FHIT: variants seen among roughly 807,000 people sequenced by gnomAD.
FHIT encodes bis(5'-adenosyl)-triphosphatase.
In FHIT, 19 loss-of-function variants were observed where a neutral mutation model predicts 17.9. That is an observed-to-expected ratio of 1.06 (90% confidence interval 0.74 to 1.56). The LOEUF is 1.56. Ranked by LOEUF, FHIT falls within the 40% of genes most tolerant of loss-of-function variation. The pLI is 0.00. For synonymous variants in FHIT, 81 were observed against 69.7 expected, an observed-to-expected ratio of 1.16 and a Z score of -0.81; for missense variants, 248 against 189.2, an observed-to-expected ratio of 1.31 and a Z score of -1.82.
At chr3:61,033,856 A>G (rs372928143) in intron 3 of FHIT, among the ~76,000 whole-genome samples, 3 of 152,318 alleles carry the variant, frequency 2.0e-5, no homozygotes, top group African/African-American at 7.2e-5. Flanking sequence ...AATTTCACAC[A>G]AAGATGGGTC....
intron 5 of FHIT, among the ~76,000 whole-genome samples, chr3:60,415,658 T>C (rs1380694790): frequency 6.6e-6 from 1 of 151,040 alleles, no homozygotes; most frequent in African/African-American, 2.4e-5. Flanking sequence ...ACACTGGACA[T>C]ATCTATCCAA....
intron 4 of FHIT, among the ~76,000 whole-genome samples, chr3:60,596,733 G>A (rs1050988721): frequency 6.6e-6 from 1 of 152,078 alleles, no homozygotes. Flanking sequence ...ACACATCTCA[G>A]GTAGAGACTC....
At chr3:60,177,265 T>G (rs1701720678) in intron 5 of FHIT, among the ~76,000 whole-genome samples, 1 of 145,674 alleles carries the variant, frequency 6.9e-6, no homozygotes, top group Admixed American at 6.7e-5. Context: ...TAAGCCAAGG[T>G]TAAAAAAAAA....
intron 1 of FHIT, among the ~76,000 whole-genome samples, chr3:61,250,223 C>T (rs909488160): frequency 6.6e-6 from 1 of 152,220 alleles, no homozygotes; most frequent in Non-Finnish European, 1.5e-5. Context: ...GGGACTGCAA[C>T]TCCCAGAAGC....
chr3:60,074,382 C>A (rs1221999682), intron 5 of FHIT, among the ~76,000 whole-genome samples: 2 of 152,068 alleles, frequency 1.3e-5, no homozygotes, highest in African/African-American at 4.8e-5. Context: ...CTCTCCCATG[C>A]CACTTCTCTA....
chr3:60,079,010 G>C (rs982639990), intron 5 of FHIT, among the ~76,000 whole-genome samples: 1 of 152,076 alleles, frequency 6.6e-6, no homozygotes, highest in African/African-American at 2.4e-5. Context: ...TCTTGAACAA[G>C]TGACTTGTCT....
chr3:59,892,058 T>G lies in FHIT; in HGVS notation c.348+30288A>C, dbSNP rs1703876384. ...TGTAAAATAATAGTCCATCTATAAC[T>G]CAATTTAGCCAAGTCCATACCTTCT... On this transcript the variant is annotated intron_variant, in intron 8 of 9. Coordinates refer to ENST00000492590, the MANE Select transcript of FHIT (RefSeq NM_002012.4). Among the ~76,000 whole-genome samples the G allele has an allele frequency of 2.0e-5, 3 of 152,348 alleles. No individual in the cohort carries two copies. In the South Asian group the frequency reaches 6.2e-4, roughly 32 times the overall value.
intron 3 of FHIT, among the ~76,000 whole-genome samples, chr3:60,950,842 T>A (rs540018640): frequency 6.6e-6 from 1 of 152,166 alleles, no homozygotes; most frequent in Non-Finnish European, 1.5e-5. Context: ...CTTTTCTTCT[T>A]GTCTGATTAA....
intron 3 of FHIT, among the ~76,000 whole-genome samples, chr3:60,896,132 A>C (rs1301174399): frequency 6.6e-6 from 1 of 152,128 alleles, no homozygotes; most frequent in Non-Finnish European, 1.5e-5. Context: ...CTAATGCCTG[A>C]TGATTTTAGA....
intron 8 of FHIT, among the ~76,000 whole-genome samples, chr3:59,798,986 G>C (rs1376129104): frequency 6.6e-6 from 1 of 152,216 alleles, no homozygotes; most frequent in Non-Finnish European, 1.5e-5. Flanking sequence ...CTCTCAGAAA[G>C]CCTTGTGCAT....
At chr3:59,808,620 A>G (rs1700294954) in intron 8 of FHIT, among the ~76,000 whole-genome samples, 1 of 152,190 alleles carries the variant, frequency 6.6e-6, no homozygotes, top group African/African-American at 2.4e-5. Flanking sequence ...TCACTCAAGC[A>G]TGTTTGACCT....
intron 8 of FHIT, among the ~76,000 whole-genome samples, chr3:59,905,530 G>A (rs1260963559): frequency 1.3e-5 from 2 of 152,192 alleles, no homozygotes; most frequent in South Asian, 4.1e-4. Context: ...GTGTGTGCAG[G>A]AGGGATGAGG....
chr3:61,100,994 C>T lies in FHIT; in HGVS notation c.-163-58895G>A, dbSNP rs147171255. Among the ~76,000 whole-genome samples, 1,184 of 152,194 alleles carry T rather than the reference C, an allele frequency of 7.8e-3. 16 individuals are homozygous for T. Among genetic ancestry groups the T allele is most frequent in the African/African-American group, 0.027 (1,133 of 41,526 alleles). On this transcript the variant is annotated intron_variant, in intron 2 of 9. Transcript: ENST00000492590. ...AGATGAATAGATTGCAAAAAATTTC[C>T]CCCATTCTACAGGTTGCTGGTTTAC...
chr3:61,222,284 C>T (rs184581878), intron 1 of FHIT, among the ~76,000 whole-genome samples: 18 of 152,326 alleles, frequency 1.2e-4, no homozygotes, highest in Admixed American at 1.1e-3. Flanking sequence ...TCCCTGACCA[C>T]TGGAACACAT....
chr3:60,128,158 T>C lies in FHIT; in HGVS notation c.104-114006A>G, dbSNP rs948153646. 2.0e-5 allele frequency among the ~76,000 whole-genome samples: 3 copies of C among 152,182 alleles called. 1 individual carries two copies. The South Asian group carries it at 6.2e-4, about 32-fold the overall frequency. On this transcript the variant is annotated intron_variant, in intron 5 of 9. Transcript: ENST00000492590. ...GATAAGTTTTACTTCAATAAGTGAA[T>C]TGAATATTGAACCCTGATATGGTTT... is the stretch of plus-strand genomic sequence containing the variant.
chr3:60,116,960 T>C lies in FHIT; in HGVS notation c.104-102808A>G, dbSNP rs552944745. On this transcript the variant is annotated intron_variant, in intron 5 of 9. Coordinates refer to ENST00000492590, the MANE Select transcript of FHIT (RefSeq NM_002012.4). ...CGGAAATATTGTACAAAATGCACCA[T>C]GGGTTAAAAAAATGATTTAAATACA... Among the ~76,000 whole-genome samples the C allele has an allele frequency of 2.0e-3, 301 of 151,876 alleles. 1 individual carries two copies. The highest frequency in any genetic ancestry group is 7.2e-3 in the African/African-American group (298 of 41,492).
At chr3:60,120,332 A>G (rs1167907201) in intron 5 of FHIT, among the ~76,000 whole-genome samples, 5 of 152,230 alleles carry the variant, frequency 3.3e-5, no homozygotes, top group African/African-American at 4.8e-5. Flanking sequence ...GAAATCTTTA[A>G]CAAAGCCAGA....
chr3:60,210,078 C>T (rs1307140016), intron 5 of FHIT, among the ~76,000 whole-genome samples: 1 of 151,846 alleles, frequency 6.6e-6, no homozygotes, highest in Non-Finnish European at 1.5e-5. Context: ...AGTATCAATC[C>T]AAAAAACACA....
chr3:60,602,209 GA>G (rs2038466771), intron 4 of FHIT, among the ~76,000 whole-genome samples: 1 of 152,162 alleles, frequency 6.6e-6, no homozygotes, highest in Non-Finnish European at 1.5e-5. Context: ...AAAATTTAAT[GA>G]TCAGCATTGT....
Sources: allele counts gnomAD v4.1 joint callset (sites outside exome capture counted in the v4.1 genomes callset), GRCh38; gene constraint gnomAD v4.1.1; transcripts MANE v1.5; gene names NCBI Gene and HGNC (gene_info 2026-07-23, HGNC 2026-07-21).